Variants in SEMA4D observed in about 807,000 individuals in gnomAD.
The protein encoded by SEMA4D is semaphorin-4D.
SEMA4D carries 22 observed loss-of-function variants against 74.8 expected under a neutral mutation model. That is an observed-to-expected ratio of 0.29 (90% CI 0.21 to 0.42). The LOEUF (loss-of-function observed/expected upper bound fraction) is 0.42. Ranked by LOEUF, SEMA4D falls within the 10% of genes least tolerant of loss-of-function variation. The pLI is 1.00. For synonymous variants in SEMA4D, 445 were observed against 463.7 expected, an observed-to-expected ratio of 0.96 and a Z score of 0.52; for missense variants, 937 against 1,118.4, an observed-to-expected ratio of 0.84 and a Z score of 2.31.
chr9:89,461,700 C>CTTTTTTTTTTTTTTTTTTT (rs61696689), intron 1 of SEMA4D, among the ~76,000 whole-genome samples: 2 of 103,660 alleles, frequency 1.9e-5, no homozygotes, highest in Admixed American at 1.1e-4. Flanking sequence ...TCTTTTTTCT[C>CTTTTTTTTTTTTTTTTTTT]TTTTTTTTTT....
rs377749002 is a variant in SEMA4D at position 89,484,152 on chromosome 9, C to T, written c.-310+13767G>A. Among the ~76,000 whole-genome samples the T allele has an allele frequency of 8.5e-5, 13 of 152,354 alleles. No individual in the cohort carries two copies. The South Asian group carries it at 2.3e-3, about 27-fold the overall frequency. ...CTTAAAGAGGACGCCGCGGCCACCCCGCCCTGCAGGCCCACCTGCAGCTGG... is the reference window on the plus strand; with the variant it reads ...CTTAAAGAGGACGCCGCGGCCACCCTGCCCTGCAGGCCCACCTGCAGCTGG... On this transcript the variant is annotated intron_variant, in intron 1 of 15. Coordinates refer to ENST00000422704, the MANE Select transcript of SEMA4D (RefSeq NM_001371194.2). The surrounding 1 kb of genome is among the most constrained non-coding windows in gnomAD (Gnocchi z 4.1).
intron 2 of SEMA4D, among the ~76,000 whole-genome samples, chr9:89,447,507 C>T (rs532082099): frequency 1.3e-5 from 2 of 152,250 alleles, no homozygotes; most frequent in Admixed American, 1.3e-4. Flanking sequence ...TCCCCGACCC[C>T]CACCATGACC....
chr9:89,485,607 G>A (rs1350245345), intron 1 of SEMA4D, among the ~76,000 whole-genome samples: 1 of 151,876 alleles, frequency 6.6e-6, no homozygotes, highest in Non-Finnish European at 1.5e-5. Context: ...TGACCAACAT[G>A]GAGAAACCCC....
chr9:89,389,912 G>A (rs1025232201), intron 9 of SEMA4D, among the ~76,000 whole-genome samples: 6 of 152,204 alleles, frequency 3.9e-5, no homozygotes, highest in Admixed American at 6.5e-5. Flanking sequence ...GGCAGCAGGT[G>A]AAGGGTTCAT....
At chr9:89,463,778 A>G (rs1857933729) in intron 1 of SEMA4D, among the ~76,000 whole-genome samples, 1 of 152,086 alleles carries the variant, frequency 6.6e-6, no homozygotes, top group Non-Finnish European at 1.5e-5. Context: ...TACTAAAAAT[A>G]TAAAAATTAG....
chr9:89,376,746 G>A, downstream of SEMA4D: 3 of 1,471,526 alleles, frequency 2.0e-6, no homozygotes, highest in Non-Finnish European at 2.7e-6. Flanking sequence ...AACATGTGGA[G>A]GGATGTGGAG....
intron 1 of SEMA4D, among the ~76,000 whole-genome samples, chr9:89,464,688 C>A (rs555323662): frequency 6.6e-6 from 1 of 152,326 alleles, no homozygotes; most frequent in East Asian, 1.9e-4. Flanking sequence ...CTCAGGCAGT[C>A]ACAGAGGTCA....
intron 1 of SEMA4D, among the ~76,000 whole-genome samples, chr9:89,458,593 C>T (rs1308207895): frequency 6.6e-6 from 1 of 152,038 alleles, no homozygotes; most frequent in East Asian, 1.9e-4. Flanking sequence ...CACACGTATA[C>T]ACCTATGCAC....
intron 2 of SEMA4D, among the ~76,000 whole-genome samples, chr9:89,410,271 G>A (rs1844242630): frequency 6.6e-6 from 1 of 152,198 alleles, no homozygotes; most frequent in Admixed American, 6.5e-5. Flanking sequence ...ACAGTAGAAT[G>A]CACACGATAC....
chr9:89,460,462 A>G (rs1856946575), intron 1 of SEMA4D, among the ~76,000 whole-genome samples: 2 of 152,190 alleles, frequency 1.3e-5, no homozygotes, highest in South Asian at 4.1e-4. Flanking sequence ...CTAAGTCTGG[A>G]TTTGTTTTAT....
intron 1 of SEMA4D, among the ~76,000 whole-genome samples, chr9:89,477,440 G>A (rs1057465526): frequency 9.9e-5 from 15 of 152,144 alleles, no homozygotes; most frequent in African/African-American, 2.9e-4. Context: ...GTACACCAAG[G>A]AAAACAGTCA....
At chr9:89,396,120 C>T (rs1034179645) in intron 6 of SEMA4D, among the ~76,000 whole-genome samples, 6 of 152,294 alleles carry the variant, frequency 3.9e-5, no homozygotes, top group East Asian at 3.9e-4. Context: ...GGACAGAGGC[C>T]GGACTTGCTT....
At chr9:89,491,571 A>AAAC (rs35705317) in intron 1 of SEMA4D, among the ~76,000 whole-genome samples, 37,103 of 150,632 alleles carry the variant, frequency 0.25, 4,756 homozygotes, top group Middle Eastern at 0.34. Flanking sequence ...TCTGTCTCAA[A>AAAC]AACAACAACA....
rs1825030829 is a variant in SEMA4D at position 89,484,796 on chromosome 9, A to G, written c.-310+13123T>C. On this transcript the variant is annotated intron_variant, in intron 1 of 15. Coordinates refer to ENST00000422704, the MANE Select transcript of SEMA4D (RefSeq NM_001371194.2). This position sits in a 1 kb window ranked among gnomAD's most constrained non-coding sequence, Gnocchi z 4.1. ...GGGGAATGTGTGGTGTGGTGTGTGG[A>G]TGTATTGTGTGGTGGGTGTGTGGTG... Among the ~76,000 whole-genome samples the G allele has an allele frequency of 7.5e-6, 1 of 133,042 alleles. No homozygotes were observed. Among genetic ancestry groups the G allele is most frequent in the African/African-American group, 2.9e-5 (1 of 34,628 alleles). The allele number at this position is 133,042 out of a possible 152,430, so 87.3% of individuals were successfully genotyped here.
rs149254505 is a variant in SEMA4D at position 89,472,980 on chromosome 9, C to T, written c.-309-17027G>A. Among the ~76,000 whole-genome samples the T allele has an allele frequency of 3.9e-3, 586 of 152,172 alleles. 5 individuals carry two copies. The highest frequency in any genetic ancestry group is 0.013 in the African/African-American group (547 of 41,506). On this transcript the variant is annotated intron_variant, in intron 1 of 15. Transcript: ENST00000422704. ...GCATGGTGGCACACGCCTGTGGTCCCAGCTACTCAGGAGGCTGAGGTGGGA... is the reference window on the plus strand; with the variant it reads ...GCATGGTGGCACACGCCTGTGGTCCTAGCTACTCAGGAGGCTGAGGTGGGA...
intron 2 of SEMA4D, among the ~76,000 whole-genome samples, chr9:89,424,551 T>C (rs1444418170): frequency 6.6e-6 from 1 of 152,134 alleles, no homozygotes; most frequent in Non-Finnish European, 1.5e-5. Context: ...GAGCTCTTTT[T>C]TTTCAGAACC....
intron 12 of SEMA4D, chr9:89,386,724 G>A: frequency 2.4e-6 from 1 of 419,538 alleles, no homozygotes; most frequent in South Asian, 2.4e-5. Flanking sequence ...ACTGTTCCAT[G>A]GTTGACCCCA....
chr9:89,415,689 C>T (rs1209046906), intron 2 of SEMA4D, among the ~76,000 whole-genome samples: 2 of 152,186 alleles, frequency 1.3e-5, no homozygotes, highest in African/African-American at 2.4e-5. Context: ...TTCGACTTCC[C>T]AGCCTCCGGA....
At chr9:89,364,033 T>A (rs1833183413) in intron 16 of SEMA4D, 2 of 1,611,208 alleles carry the variant, frequency 1.2e-6, no homozygotes, top group African/African-American at 1.3e-5. Context: ...GGGGGTTACC[T>A]CTGCTGTCCC....
Sources: allele counts gnomAD v4.1 joint callset (sites outside exome capture counted in the v4.1 genomes callset), GRCh38; gene constraint gnomAD v4.1.1; non-coding constraint Gnocchi (gnomAD v3.1); transcripts MANE v1.5; gene names NCBI Gene and HGNC (gene_info 2026-07-23, HGNC 2026-07-21).